The following AZI2 variants were observed in gnomAD, a reference collection of about 807,000 sequenced individuals.
AZI2 encodes 5-azacytidine induced 2.
AZI2 carries 22 observed loss-of-function variants against 45.8 expected under a neutral mutation model. The observed-to-expected ratio is 0.48, with a 90% CI of 0.34 to 0.69. The LOEUF is 0.69. Among genes scored for constraint, AZI2 ranks in the 30% least tolerant of loss-of-function variants. The pLI is 0.01. For synonymous variants in AZI2, 137 were observed against 156.7 expected, an observed-to-expected ratio of 0.87 and a Z score of 0.94; for missense variants, 417 against 441.5, an observed-to-expected ratio of 0.94 and a Z score of 0.50.
chr3:28,325,960 A>C (rs1703370689), intron 7 of AZI2, among the ~76,000 whole-genome samples: 1 of 151,018 alleles, frequency 6.6e-6, no homozygotes, highest in Admixed American at 6.6e-5. Context: ...CTCACTAATA[A>C]ACACTCCTGA....
In AZI2 at chr3:28,336,755, T is replaced by C. The variant is rs771573457; in HGVS notation, c.570A>G (p.Leu190=). Residue 190 remains leucine (L), a synonymous_variant, in exon 5 of 8, where the codon CTA becomes CTG. Coordinates refer to ENST00000479665, the MANE Select transcript of AZI2 (RefSeq NM_022461.5). ...GTAATACCGTTTGTTTGGCTTTCTG[T>C]AGTTCTATTTTGAGATCGCTACATT... ...RKECSDLKIE[L]QKAKQTDPYQ... The C allele has an allele frequency of 1.2e-6, 2 of 1,613,108 alleles. No individual in the cohort carries two copies. The highest frequency in any genetic ancestry group is 1.1e-5 in the South Asian group (1 of 90,990).
intron 7 of AZI2, 161 bp from the exon 8 acceptor site, chr3:28,324,615 G>A (rs1703312804): frequency 1.8e-6 from 1 of 557,970 alleles, no homozygotes; most frequent in South Asian, 7.1e-5. Context: ...AATGACAGAT[G>A]ATCTGAGTTT....
At chr3:28,329,354 G>A (rs974920080) in intron 6 of AZI2, among the ~76,000 whole-genome samples, 2 of 150,886 alleles carry the variant, frequency 1.3e-5, no homozygotes, top group East Asian at 3.9e-4. Context: ...CTGCCCTTTT[G>A]GAGTAACATT....
At chr3:28,334,690 T>C (rs1365882897) in intron 5 of AZI2, among the ~76,000 whole-genome samples, 4 of 152,016 alleles carry the variant, frequency 2.6e-5, no homozygotes, top group African/African-American at 9.7e-5. Context: ...TGGTTACTTA[T>C]GACAGATGAA....
intron 1 of AZI2, among the ~76,000 whole-genome samples, chr3:28,345,825 T>C (rs146550584): frequency 5.3e-5 from 8 of 152,272 alleles, no homozygotes; most frequent in Non-Finnish European, 1.2e-4. Flanking sequence ...TCTGCTGATA[T>C]CAGACTGGTC....
chr3:28,340,678 G>A lies in AZI2; in HGVS notation c.-5-56C>T. ...AATGTCTCACTGAATAAGTGAAAAG[G>A]AAAAAAAGTTATAGTTAAGAATAAT... On this transcript the variant is annotated intron_variant, in intron 1 of 7. Transcript: ENST00000479665. 4.5e-6 allele frequency: 6 copies of A among 1,334,012 alleles called. No individual in the cohort carries two copies. In the African/African-American group the frequency reaches 5.9e-5, roughly 13 times the overall value. 82.6% of individuals were successfully genotyped at this position (1,334,012 alleles called of 1,614,324 possible).
At position 28,335,452 on chromosome 3, in the gene AZI2, C is replaced by T. The variant is rs184097010; in HGVS notation, c.588+1285G>A. Among the ~76,000 whole-genome samples the T allele has an allele frequency of 1.6e-3, 246 of 151,860 alleles. 2 individuals are homozygous for T. The highest frequency in any genetic ancestry group is 5.8e-3 in the African/African-American group (241 of 41,466). On this transcript the variant is annotated intron_variant, in intron 5 of 7. Coordinates refer to ENST00000479665, the MANE Select transcript of AZI2 (RefSeq NM_022461.5). The stretch of plus-strand genomic sequence containing the variant: ...TCTTTGAAGGAATTGTGGTGTGTGG[C>T]CACAAGCTCAAAGCTGGGGGAATCA...
At chr3:28,326,409 G>C (rs1445260085) in intron 7 of AZI2, 1 of 157,866 alleles carries the variant, frequency 6.3e-6, no homozygotes, top group Admixed American at 6.5e-5. Context: ...ATCAAAGTTT[G>C]TTTTCTTTTT....
chr3:28,332,380 T>C lies in AZI2; in HGVS notation c.636A>G (p.Leu212=). The part of the protein sequence containing the change: ...DNLKSRDLQK[L]SISSDNMQHA... ...AAGAGTGGTCATACCTTGAAATGCT[T>C]AGTTTTTGGAGATCTCTGCTCTTCA... The change falls in exon 6 of 8, where the codon CTA becomes CTG. Residue 212 remains leucine, a synonymous_variant. Transcript: ENST00000479665. 1 of 1,607,460 alleles carries C rather than the reference T, an allele frequency of 6.2e-7. No individual in the cohort carries two copies. The highest frequency in any genetic ancestry group is 8.5e-7 in the Non-Finnish European group (1 of 1,175,040).
chr3:28,336,868 G>A lies in AZI2; in HGVS notation c.457C>T (p.Pro153Ser). 1 of 1,612,924 alleles carries A rather than the reference G, an allele frequency of 6.2e-7. No individual in the cohort carries two copies. The highest frequency in any genetic ancestry group is 1.3e-5 in the African/African-American group (1 of 74,986). ...TCCACCTCCCAGTTTGATGAAGGTG[G>A]ATTTAAATTCCTCATCACTACAAAA... The part of the protein sequence containing the change: ...ETQQVMRNLN[P>S]PSSNWEVEKL... The change falls in exon 5 of 8, where the codon CCA (proline) becomes TCA (serine). Residue 153 changes from proline (P) to serine (S), a missense_variant. Physicochemically the swap from Pro to Ser is moderately conservative, Grantham distance 74. Coordinates refer to ENST00000479665, the MANE Select transcript of AZI2 (RefSeq NM_022461.5).
rs117164682 is a variant in AZI2 at position 28,325,654 on chromosome 3, C to A, written c.766+1178G>T. 9.9e-5 allele frequency among the ~76,000 whole-genome samples: 15 copies of A among 151,170 alleles called. No individual in the cohort carries two copies. The East Asian group carries it at 2.9e-3, about 29-fold the overall frequency. On this transcript the variant is annotated intron_variant, in intron 7 of 7. Coordinates refer to ENST00000479665, the MANE Select transcript of AZI2 (RefSeq NM_022461.5). ...GAGCCATGTCCAAGTATGAAAAGAG[C>A]ATTGCTCCTTTATTATTCTTTGGTA...
At chr3:28,330,294 C>A (rs975176364) in intron 6 of AZI2, among the ~76,000 whole-genome samples, 1 of 151,172 alleles carries the variant, frequency 6.6e-6, no homozygotes, top group Non-Finnish European at 1.5e-5. Flanking sequence ...GATAGAGAAA[C>A]AGTATACTAC....
intron 5 of AZI2, among the ~76,000 whole-genome samples, chr3:28,334,749 ATAAC>A (rs1703719798): frequency 6.6e-6 from 1 of 152,020 alleles, no homozygotes; most frequent in Non-Finnish European, 1.5e-5. Flanking sequence ...GTGGAAAAGA[ATAAC>A]TAAAATGCTA....
chr3:28,328,267 G>A (rs1426651348), intron 6 of AZI2, among the ~76,000 whole-genome samples: 1 of 151,030 alleles, frequency 6.6e-6, no homozygotes, highest in Admixed American at 6.6e-5. Context: ...TACAATGAAT[G>A]TTTCACATAG....
chr3:28,328,531 A>G (rs886668018), intron 6 of AZI2, among the ~76,000 whole-genome samples: 7 of 151,140 alleles, frequency 4.6e-5, no homozygotes, highest in Non-Finnish European at 1.0e-4. Flanking sequence ...ACTAAAATAC[A>G]CAGCTAGGCA....
At chr3:28,340,379 T>C (rs774786866) in intron 2 of AZI2, 23 bp downstream of exon 2, 2 of 1,437,120 alleles carry the variant, frequency 1.4e-6, no homozygotes, top group East Asian at 4.6e-5. Context: ...ACAAACGCAA[T>C]GAAGGTAAAA....
intron 2 of AZI2, 85 bp downstream of exon 2, chr3:28,340,317 A>C: frequency 1.1e-6 from 1 of 924,504 alleles, no homozygotes; most frequent in Non-Finnish European, 1.6e-6. Context: ...ATCATGGAAG[A>C]CAGGACAAAA....
chr3:28,347,826 G>A (rs189635299), intron 1 of AZI2, among the ~76,000 whole-genome samples: 2 of 152,328 alleles, frequency 1.3e-5, no homozygotes, highest in African/African-American at 2.4e-5. Flanking sequence ...CGTTTTTAGA[G>A]AAATGAAATT....
At position 28,339,473 on chromosome 3, in the gene AZI2, G is replaced by A. The variant is rs912745525; in HGVS notation, c.217-858C>T. On this transcript the variant is annotated intron_variant, in intron 2 of 7. Transcript: ENST00000479665. Reference sequence around the variant, plus strand: ...CCCCAAAATGTTACCTTCTCTCACTGTATGCCAATATGTTACAAATTTACA... The same window carrying A: ...CCCCAAAATGTTACCTTCTCTCACTATATGCCAATATGTTACAAATTTACA... Among the ~76,000 whole-genome samples, 7 of 142,480 alleles carry A rather than the reference G, an allele frequency of 4.9e-5. No individual in the cohort carries two copies. The South Asian group carries it at 1.5e-3, about 31-fold the overall frequency. 93.5% of individuals were successfully genotyped at this position (142,480 alleles called of 152,430 possible). A position where few individuals can be genotyped will look rare whatever the true frequency, so the allele number is the denominator to read the frequency against.
Sources: gnomAD v4.1 joint callset for allele counts (sites outside exome capture counted in the v4.1 genomes callset) on GRCh38, gnomAD v4.1.1 for gene constraint, MANE v1.5 for transcripts, NCBI Gene and HGNC (gene_info 2026-07-23, HGNC 2026-07-21) for gene names.